Variants in LDB2 observed in about 807,000 individuals in gnomAD.
LDB2 encodes LIM domain-binding protein 2.
In LDB2, 12 loss-of-function variants were observed where a neutral mutation model predicts 44.3. That is an observed-to-expected ratio of 0.27 (90% CI 0.17 to 0.44). The LOEUF is 0.44. Ranked by LOEUF, LDB2 falls within the 20% of genes least tolerant of loss-of-function variation. The probability of loss-of-function intolerance (pLI) is 1.00; values close to 1 mark genes in which losing one functional copy is unlikely to be tolerated. For missense variants in LDB2, 344 were observed against 473.5 expected (o/e 0.73, Z 2.54); for synonymous variants, 164 against 174.8 (o/e 0.94, Z 0.49).
intron 1 of LDB2, among the ~76,000 whole-genome samples, chr4:16,819,667 A>G (rs1179646198): frequency 6.6e-6 from 1 of 152,174 alleles, no homozygotes; most frequent in African/African-American, 2.4e-5. Context: ...CCTCAAGGGA[A>G]TATTTTAAAA....
chr4:16,592,461 CATACATATAT>C (rs1719363324), intron 3 of LDB2, among the ~76,000 whole-genome samples: 1 of 66,812 alleles, frequency 1.5e-5, no homozygotes, highest in South Asian at 5.4e-4. Flanking sequence ...ATGCATTATA[CATACATATAT>C]ATATATATAT....
At chr4:16,643,254 G>A (rs939967221) in intron 2 of LDB2, among the ~76,000 whole-genome samples, 9 of 152,244 alleles carry the variant, frequency 5.9e-5, no homozygotes, top group Admixed American at 5.9e-4. Flanking sequence ...GCACCACCCA[G>A]AGCATGACAT....
chr4:16,561,799 A>T (rs1742411991), intron 5 of LDB2, among the ~76,000 whole-genome samples: 1 of 152,216 alleles, frequency 6.6e-6, no homozygotes, highest in African/African-American at 2.4e-5. Flanking sequence ...TGGAGGCATC[A>T]CGCTACCTGA....
At position 16,819,132 on chromosome 4, in the gene LDB2, G is replaced by T. The variant is rs189970331; in HGVS notation, c.133-59872C>A. Among the ~76,000 whole-genome samples the T allele has an allele frequency of 4.6e-5, 7 of 151,252 alleles. No individual in the cohort carries two copies. In the East Asian group the frequency reaches 1.2e-3, roughly 25 times the overall value. The stretch of plus-strand genomic sequence containing the variant: ...TGTGTGTGTGTGTGTGTGTGTACAG[G>T]TCTATGTCATACAAGTGCATTTCTT... On this transcript the variant is annotated intron_variant, in intron 1 of 7. Transcript: ENST00000304523.
At chr4:16,679,388 A>G (rs1475857226) in intron 2 of LDB2, among the ~76,000 whole-genome samples, 4 of 152,186 alleles carry the variant, frequency 2.6e-5, no homozygotes, top group African/African-American at 9.7e-5. Context: ...ATAATAAATG[A>G]CAATGATAGT....
At position 16,530,868 on chromosome 4, in the gene LDB2, T is replaced by C. The variant is rs573085910; in HGVS notation, c.616-18764A>G. Among the ~76,000 whole-genome samples, 7 of 152,348 alleles carry C rather than the reference T, an allele frequency of 4.6e-5. No homozygotes were observed. In the East Asian group the frequency reaches 1.4e-3, roughly 29 times the overall value. ...TAGACAGCATCATAGCTCTACGACT[T>C]GGGTAATTTTATCCTCATTTTAGAG... On this transcript the variant is annotated intron_variant, in intron 5 of 7. Transcript: ENST00000304523.
chr4:16,800,964 C>T (rs970315805), intron 1 of LDB2, among the ~76,000 whole-genome samples: 4 of 152,210 alleles, frequency 2.6e-5, no homozygotes, highest in South Asian at 2.1e-4. Flanking sequence ...CGTGAGCCAC[C>T]GCGCCCGGCC....
chr4:16,885,567 G>T (rs1287239998), intron 1 of LDB2, among the ~76,000 whole-genome samples: 1 of 152,084 alleles, frequency 6.6e-6, no homozygotes, highest in East Asian at 1.9e-4. Context: ...AATTAAAGAC[G>T]TGTCCTTCAG....
chr4:16,642,669 C>G (rs1322618855), intron 2 of LDB2, among the ~76,000 whole-genome samples: 1 of 152,132 alleles, frequency 6.6e-6, no homozygotes, highest in Non-Finnish European at 1.5e-5. Context: ...CATGATCAAT[C>G]ATTTGGAGGT....
intron 2 of LDB2, among the ~76,000 whole-genome samples, chr4:16,597,025 C>A (rs1287390460): frequency 6.6e-6 from 1 of 152,204 alleles, no homozygotes; most frequent in Non-Finnish European, 1.5e-5. Context: ...AAATAAACTA[C>A]CAAAGAAAGC....
intron 1 of LDB2, among the ~76,000 whole-genome samples, chr4:16,815,480 G>A (rs1279991362): frequency 6.6e-6 from 1 of 152,180 alleles, no homozygotes; most frequent in Non-Finnish European, 1.5e-5. Flanking sequence ...CTAAGGTTAT[G>A]TGGTGTTTAT....
chr4:16,884,010 C>A (rs1046489081), intron 1 of LDB2, among the ~76,000 whole-genome samples: 2 of 152,200 alleles, frequency 1.3e-5, no homozygotes, highest in African/African-American at 4.8e-5. Context: ...TTGTGCATCT[C>A]CCTATCCACT....
At chr4:16,807,756 G>C (rs977050978) in intron 1 of LDB2, among the ~76,000 whole-genome samples, 1 of 152,158 alleles carries the variant, frequency 6.6e-6, no homozygotes, top group Non-Finnish European at 1.5e-5. Context: ...AGACACAAAA[G>C]ATCAACTTTC....
chr4:16,505,479 GTTC>G (rs551039940), intron 7 of LDB2, among the ~76,000 whole-genome samples: 236 of 152,160 alleles, frequency 1.6e-3, no homozygotes, highest in African/African-American at 5.5e-3. Flanking sequence ...GTTTCTATTG[GTTC>G]TTCTAAGCCT....
chr4:16,619,358 A>G (rs1008999605), intron 2 of LDB2, among the ~76,000 whole-genome samples: 1 of 152,170 alleles, frequency 6.6e-6, no homozygotes, highest in Non-Finnish European at 1.5e-5. Flanking sequence ...CCTTCTGCTG[A>G]GAGGATAAAT....
intron 2 of LDB2, among the ~76,000 whole-genome samples, chr4:16,613,510 C>A (rs1015112853): frequency 1.3e-5 from 2 of 151,870 alleles, no homozygotes. Flanking sequence ...CATTTATATT[C>A]AAAAAACCCC....
Position 16,509,516 on chromosome 4 carries a change from C to CTTTA in LDB2, c.740-834_740-831dup, listed in dbSNP as rs1223753320. On this transcript the variant is annotated intron_variant, in intron 6 of 7. Transcript: ENST00000304523. Reference sequence around the variant, plus strand: ...GGTAAAGTGTGATAAGAGAAATATTCTTTATTTATTTGTTTGTTTACTTAT... The same window carrying CTTTA: ...GGTAAAGTGTGATAAGAGAAATATTCTTTATTTATTTATTTGTTTGTTTACTTAT... Among the ~76,000 whole-genome samples, 4 of 152,138 alleles carry CTTTA rather than the reference C, an allele frequency of 2.6e-5. No individual in the cohort carries two copies. In the East Asian group the frequency reaches 7.7e-4, roughly 29 times the overall value.
chr4:16,828,333 G>T (rs1401736467), intron 1 of LDB2, among the ~76,000 whole-genome samples: 1 of 151,938 alleles, frequency 6.6e-6, no homozygotes, highest in African/African-American at 2.4e-5. Context: ...TTTTTTCTCT[G>T]GCCCCTACAC....
chr4:16,822,016 A>G (rs1394914206), intron 1 of LDB2, among the ~76,000 whole-genome samples: 1 of 151,978 alleles, frequency 6.6e-6, no homozygotes, highest in Non-Finnish European at 1.5e-5. Flanking sequence ...CCCCAGAGAG[A>G]CCTAGACTCA....
Sources: gnomAD v4.1 joint callset for allele counts (sites outside exome capture counted in the v4.1 genomes callset) on GRCh38, gnomAD v4.1.1 for gene constraint, MANE v1.5 for transcripts, NCBI Gene and HGNC (gene_info 2026-07-23, HGNC 2026-07-21) for gene names.